Variants in SLC24A2 observed in about 807,000 individuals in gnomAD.
SLC24A2 encodes the protein solute carrier family 24 member 2.
SLC24A2 carries 36 observed loss-of-function variants against 62.0 expected under a neutral mutation model. The ratio of observed to expected loss-of-function variants is 0.58; its 90% CI spans 0.44 to 0.77. The LOEUF is 0.77. Among genes scored for constraint, SLC24A2 ranks in the 30% least tolerant of loss-of-function variants. SLC24A2 has a pLI of 0.00. For missense variants in SLC24A2, 846 were observed against 817.9 expected, an observed-to-expected ratio of 1.03 and a Z score of -0.42; for synonymous variants, 358 against 294.0, an observed-to-expected ratio of 1.22 and a Z score of -2.23.
the SLC24A2 span, among the ~76,000 whole-genome samples, chr9:20,206,839 A>C: frequency 6.7e-6 from 1 of 150,066 alleles, no homozygotes; most frequent in Admixed American, 6.7e-5. Context: ...CTAACATAAC[A>C]AAAACTGATG....
At position 19,660,958 on chromosome 9, in the gene SLC24A2, C is replaced by T. The variant is rs539104920; in HGVS notation, c.931-38659G>A. Among the ~76,000 whole-genome samples, 6 of 152,340 alleles carry T rather than the reference C, an allele frequency of 3.9e-5. No homozygotes were observed. In the South Asian group the frequency reaches 1.2e-3, roughly 32 times the overall value. Reference sequence around the variant, plus strand: ...CTAATAAATGGCTCATAACTCATGTCTGTCTGAGCTCGGACATCCAGTAAT... The same window carrying T: ...CTAATAAATGGCTCATAACTCATGTTTGTCTGAGCTCGGACATCCAGTAAT... On this transcript the variant is annotated intron_variant, in intron 2 of 10. Coordinates refer to ENST00000341998, the MANE Select transcript of SLC24A2 (RefSeq NM_020344.4).
chr9:19,535,020 G>A (rs1487044687), intron 8 of SLC24A2, among the ~76,000 whole-genome samples: 3 of 152,148 alleles, frequency 2.0e-5, no homozygotes, highest in South Asian at 2.1e-4. Context: ...TCCAGCACCT[G>A]TTGTTTCCTG....
chr9:19,896,099 C>T, the SLC24A2 span: 1 of 621,980 alleles, frequency 1.6e-6, no homozygotes, highest in Non-Finnish European at 2.8e-6. Context: ...TTGGAGGACT[C>T]TACTTCCGCC....
the SLC24A2 span, among the ~76,000 whole-genome samples, chr9:20,055,126 C>T: frequency 5.9e-5 from 9 of 152,218 alleles, no homozygotes; most frequent in African/African-American, 2.2e-4. Context: ...CTCGAGTGCT[C>T]ATAAAGCTCC....
intron 7 of SLC24A2, among the ~76,000 whole-genome samples, chr9:19,568,141 AAACT>A (rs2132829823): frequency 6.6e-6 from 1 of 152,318 alleles, no homozygotes; most frequent in South Asian, 2.1e-4. Flanking sequence ...AAAGGAAATA[AAACT>A]AACAAAATGA....
At chr9:19,749,707 G>A (rs1056140562) in intron 2 of SLC24A2, among the ~76,000 whole-genome samples, 5 of 152,068 alleles carry the variant, frequency 3.3e-5, no homozygotes, top group East Asian at 1.9e-4. Context: ...ATAAACTTAC[G>A]CTAAAAAATG....
At chr9:20,301,272 C>T in the SLC24A2 span, among the ~76,000 whole-genome samples, 1 of 152,196 alleles carries the variant, frequency 6.6e-6, no homozygotes, top group Non-Finnish European at 1.5e-5. Context: ...GTCTCACAGG[C>T]TGAAGACTGG....
At chr9:19,555,813 C>G (rs1467500420) in intron 7 of SLC24A2, among the ~76,000 whole-genome samples, 2 of 152,086 alleles carry the variant, frequency 1.3e-5, no homozygotes, top group African/African-American at 4.8e-5. Context: ...GGTGTGATGA[C>G]AGGTGCCTGT....
At chr9:20,298,603 C>A in the SLC24A2 span, among the ~76,000 whole-genome samples, 1 of 152,236 alleles carries the variant, frequency 6.6e-6, no homozygotes. Flanking sequence ...TCCTAATATA[C>A]AATGTTCTAT....
chr9:20,070,792 T>C, the SLC24A2 span, among the ~76,000 whole-genome samples: 2 of 152,202 alleles, frequency 1.3e-5, no homozygotes, highest in Non-Finnish European at 2.9e-5. Context: ...CCAAACCTTA[T>C]GCTTTCTAAG....
At chr9:19,963,181 C>G in the SLC24A2 span, among the ~76,000 whole-genome samples, 1 of 137,152 alleles carries the variant, frequency 7.3e-6, no homozygotes, top group Non-Finnish European at 1.6e-5. Flanking sequence ...AAAGCTGAAA[C>G]TGGATCCCTT....
chr9:19,850,988 T>TATATATACATATAC, the SLC24A2 span, among the ~76,000 whole-genome samples: 1 of 45,724 alleles, frequency 2.2e-5, no homozygotes, highest in South Asian at 4.9e-4. Context: ...TATATATGTA[T>TATATATACATATAC]ATATATATAT....
chr9:19,995,819 G>A, the SLC24A2 span, among the ~76,000 whole-genome samples: 1 of 152,196 alleles, frequency 6.6e-6, no homozygotes, highest in African/African-American at 2.4e-5. Context: ...ATTTCCTGAT[G>A]TTCAACAGAT....
the SLC24A2 span, among the ~76,000 whole-genome samples, chr9:19,879,826 G>A: frequency 1.3e-5 from 2 of 152,080 alleles, no homozygotes; most frequent in African/African-American, 4.8e-5. Context: ...AGTAGAATGA[G>A]TGAATTTTAT....
the SLC24A2 span, among the ~76,000 whole-genome samples, chr9:20,206,859 C>A: frequency 1.6e-4 from 18 of 110,524 alleles, no homozygotes; most frequent in Non-Finnish European, 1.4e-4. Flanking sequence ...GATATATAAC[C>A]CTCATAAAAA....
chr9:20,137,973 G>A, the SLC24A2 span, among the ~76,000 whole-genome samples: 1 of 152,170 alleles, frequency 6.6e-6, no homozygotes, highest in African/African-American at 2.4e-5. Context: ...AAGAAAGAGG[G>A]AAACTGAGAC....
Position 19,756,412 on chromosome 9 carries a change from C to T in SLC24A2, c.930+29525G>A, listed in dbSNP as rs140364132. Among the ~76,000 whole-genome samples, 329 of 152,256 alleles carry T rather than the reference C, an allele frequency of 2.2e-3. 4 individuals carry two copies. The highest frequency in any genetic ancestry group is 7.6e-3 in the African/African-American group (314 of 41,566). On this transcript the variant is annotated intron_variant, in intron 2 of 10. Transcript: ENST00000341998. ...TTTGTGGTGATTCTTTGCAAATATT[C>T]AAAGCTTAGCTATTGATATTCTAAC...
At chr9:20,202,864 C>T in the SLC24A2 span, among the ~76,000 whole-genome samples, 1 of 152,036 alleles carries the variant, frequency 6.6e-6, no homozygotes, top group East Asian at 1.9e-4. Context: ...CCAGGGTTTC[C>T]CCAAAACACT....
chr9:20,103,987 A>T, the SLC24A2 span, among the ~76,000 whole-genome samples: 92 of 152,202 alleles, frequency 6.0e-4, no homozygotes, highest in African/African-American at 2.0e-3. Flanking sequence ...GAATAACCAA[A>T]ACAGAGAAGT....
Sources: allele counts gnomAD v4.1 joint callset (sites outside exome capture counted in the v4.1 genomes callset), GRCh38; gene constraint gnomAD v4.1.1; transcripts MANE v1.5; gene names NCBI Gene and HGNC (gene_info 2026-07-23, HGNC 2026-07-21).